EPHA3: variants seen among roughly 807,000 people sequenced by gnomAD.
The protein encoded by EPHA3 is EPH receptor A3, also known as ephrin type-A receptor 3.
EPHA3 carries 42 observed loss-of-function variants against 107.1 expected under a neutral mutation model. The observed-to-expected ratio is 0.39, with a 90% CI of 0.31 to 0.51. EPHA3 has a LOEUF of 0.51. Among genes scored for constraint, EPHA3 ranks in the 20% least tolerant of loss-of-function variants. The pLI is 0.78. For missense variants in EPHA3, 1,183 were observed against 1,211.2 expected (o/e 0.98, Z 0.35); for synonymous variants, 461 against 424.8 (o/e 1.09, Z -1.05).
intron 15 of EPHA3, among the ~76,000 whole-genome samples, chr3:89,453,339 T>C (rs1710032585): frequency 6.6e-6 from 1 of 152,304 alleles, no homozygotes; most frequent in South Asian, 2.1e-4. Context: ...TACTATCAGA[T>C]CATAATATGT....
At position 89,224,023 on chromosome 3, in the gene EPHA3, C is replaced by T. The variant is rs567384531; in HGVS notation, c.814+13503C>T. Reference sequence around the variant, plus strand: ...GTGTGAATAATGATGATTATTTTATCGATCAATATTTTTGCTTCTTTATTA... The same window carrying T: ...GTGTGAATAATGATGATTATTTTATTGATCAATATTTTTGCTTCTTTATTA... On this transcript the variant is annotated intron_variant, in intron 3 of 16. Coordinates refer to ENST00000336596, the MANE Select transcript of EPHA3 (RefSeq NM_005233.6). Among the ~76,000 whole-genome samples the T allele has an allele frequency of 7.2e-5, 11 of 152,084 alleles. No homozygotes were observed. In the South Asian group the frequency reaches 1.5e-3, roughly 20 times the overall value.
intron 3 of EPHA3, among the ~76,000 whole-genome samples, chr3:89,288,987 G>A (rs538983866): frequency 3.3e-5 from 5 of 152,110 alleles, no homozygotes; most frequent in African/African-American, 4.8e-5. Context: ...AATTACCATC[G>A]TAACAGCTTA....
At chr3:89,365,144 A>G (rs1708163575) in intron 5 of EPHA3, among the ~76,000 whole-genome samples, 1 of 150,936 alleles carries the variant, frequency 6.6e-6, no homozygotes, top group African/African-American at 2.4e-5. Flanking sequence ...TCTGTCTGAG[A>G]ATAGAGAAAG....
chr3:89,215,154 G>A (rs1039766762), intron 3 of EPHA3, among the ~76,000 whole-genome samples: 2 of 151,770 alleles, frequency 1.3e-5, no homozygotes, highest in South Asian at 2.1e-4. Flanking sequence ...TTTGCTTTAG[G>A]TAGTTATTAT....
intron 7 of EPHA3, chr3:89,399,892 A>G: frequency 9.4e-7 from 1 of 1,065,870 alleles, no homozygotes; most frequent in Non-Finnish European, 1.1e-6. Context: ...TTAATCCTTA[A>G]CACATTCAAT....
At chr3:89,166,049 A>G (rs758709895) in intron 2 of EPHA3, among the ~76,000 whole-genome samples, 4 of 152,188 alleles carry the variant, frequency 2.6e-5, no homozygotes, top group Non-Finnish European at 4.4e-5. Flanking sequence ...AATGAGTGGC[A>G]GGATTAAAAC....
At chr3:89,207,872 A>G (rs1196954372) in intron 2 of EPHA3, among the ~76,000 whole-genome samples, 5 of 152,196 alleles carry the variant, frequency 3.3e-5, no homozygotes, top group Non-Finnish European at 7.3e-5. Flanking sequence ...GCTCCATACT[A>G]CAGTGAATAT....
chr3:89,220,279 G>T (rs1357798269), intron 3 of EPHA3, among the ~76,000 whole-genome samples: 1 of 152,152 alleles, frequency 6.6e-6, no homozygotes, highest in African/African-American at 2.4e-5. Context: ...TTGTGATTGT[G>T]CTTCAGGACA....
chr3:89,400,229 T>C lies in EPHA3; in HGVS notation c.1594+749T>C, dbSNP rs1228474236. 1.9e-5 allele frequency: 6 copies of C among 319,316 alleles called. No homozygotes were observed. The East Asian group carries it at 3.1e-4, about 17-fold the overall frequency. 19.8% of individuals were successfully genotyped at this position (319,316 alleles called of 1,614,324 possible). On this transcript the variant is annotated intron_variant, in intron 7 of 16. Transcript: ENST00000336596. ...TTTTTTTTGAGACGGAGTCTTGCTC[T>C]GTCACCCAGGCTGGAGTACAGCAGA...
At chr3:89,204,819 A>G (rs931937759) in intron 2 of EPHA3, among the ~76,000 whole-genome samples, 12 of 152,154 alleles carry the variant, frequency 7.9e-5, no homozygotes, top group African/African-American at 2.9e-4. Flanking sequence ...CGAAGACTGG[A>G]TTTTGAAATG....
intron 5 of EPHA3, among the ~76,000 whole-genome samples, chr3:89,391,421 C>CTTTT (rs758307339): frequency 6.9e-5 from 8 of 115,978 alleles, no homozygotes; most frequent in African/African-American, 1.8e-4. Context: ...TCTTTCTTTT[C>CTTTT]TTTTTTTTTT....
At chr3:89,450,050 TA>T (rs879790748) in intron 14 of EPHA3, 126 bp from the exon 15 acceptor site, 1 of 699,794 alleles carries the variant, frequency 1.4e-6, no homozygotes, top group Non-Finnish European at 2.3e-6. Context: ...TTTAGGCAAC[TA>T]AAAATGAGAA....
intron 2 of EPHA3, among the ~76,000 whole-genome samples, chr3:89,166,693 A>G (rs998006321): frequency 2.0e-5 from 3 of 152,142 alleles, no homozygotes; most frequent in African/African-American, 4.8e-5. Flanking sequence ...ATTTGCATAT[A>G]ATTAGTTTCC....
intron 16 of EPHA3, among the ~76,000 whole-genome samples, chr3:89,476,765 G>A (rs1326313020): frequency 6.6e-6 from 1 of 151,356 alleles, no homozygotes; most frequent in Admixed American, 6.6e-5. Flanking sequence ...CCGCCACCAC[G>A]CCCCGCTAAT....
At chr3:89,194,926 A>G (rs575999190) in intron 2 of EPHA3, among the ~76,000 whole-genome samples, 42 of 152,170 alleles carry the variant, frequency 2.8e-4, no homozygotes, top group African/African-American at 9.6e-4. Flanking sequence ...GGAAAGAGCA[A>G]TTTCGATAAT....
At chr3:89,332,218 A>G (rs2107399916) in intron 3 of EPHA3, among the ~76,000 whole-genome samples, 1 of 152,290 alleles carries the variant, frequency 6.6e-6, no homozygotes, top group Middle Eastern at 3.4e-3. Context: ...GTGGACAGCC[A>G]AAAAGCTGGC....
chr3:89,386,742 G>T (rs1472905630), intron 5 of EPHA3, among the ~76,000 whole-genome samples: 1 of 152,188 alleles, frequency 6.6e-6, no homozygotes, highest in Non-Finnish European at 1.5e-5. Context: ...CTCAACACCA[G>T]CCCATGAAAG....
chr3:89,373,818 A>G (rs950129499), intron 5 of EPHA3, among the ~76,000 whole-genome samples: 2 of 151,840 alleles, frequency 1.3e-5, no homozygotes, highest in Non-Finnish European at 2.9e-5. Context: ...TATTATATTA[A>G]CATAGAACTA....
At chr3:89,131,674 G>GTTCA (rs1298941643) in intron 2 of EPHA3, among the ~76,000 whole-genome samples, 2 of 152,170 alleles carry the variant, frequency 1.3e-5, no homozygotes, top group Non-Finnish European at 2.9e-5. Flanking sequence ...GACTGGCAGG[G>GTTCA]TTCAGGGAGT....
Sources: gnomAD v4.1 joint callset for allele counts (sites outside exome capture counted in the v4.1 genomes callset) on GRCh38, gnomAD v4.1.1 for gene constraint, MANE v1.5 for transcripts, NCBI Gene and HGNC (gene_info 2026-07-23, HGNC 2026-07-21) for gene names.